Variants in FRMD4A observed in about 807,000 individuals in gnomAD.
FRMD4A encodes the protein FERM domain-containing protein 4A.
Under a neutral mutation model 129.1 loss-of-function variants are expected in FRMD4A, and 29 were observed. The ratio of observed to expected loss-of-function variants is 0.22; its 90% CI spans 0.17 to 0.31. The LOEUF (loss-of-function observed/expected upper bound fraction) is 0.31. Ranked by LOEUF, FRMD4A falls within the 10% of genes least tolerant of loss-of-function variation. FRMD4A has a pLI of 1.00. For synonymous variants in FRMD4A, 634 were observed against 571.6 expected (o/e 1.11, Z -1.56); for missense variants, 1,272 against 1,375.8 (o/e 0.92, Z 1.19).
At chr10:13,841,336 T>C (rs2093961900) in intron 3 of FRMD4A, among the ~76,000 whole-genome samples, 1 of 152,180 alleles carries the variant, frequency 6.6e-6, no homozygotes, top group Non-Finnish European at 1.5e-5. Context: ...TCCTGAGTAA[T>C]AGGATTATCT....
chr10:14,280,037 G>C (rs1845467419), intron 2 of FRMD4A, among the ~76,000 whole-genome samples: 1 of 152,198 alleles, frequency 6.6e-6, no homozygotes. Context: ...CATGTTACAG[G>C]ACGTGATGAC....
At chr10:13,905,283 C>T (rs1221506683) in intron 2 of FRMD4A, among the ~76,000 whole-genome samples, 4 of 152,162 alleles carry the variant, frequency 2.6e-5, no homozygotes, top group Non-Finnish European at 5.9e-5. Flanking sequence ...AGACATGCTT[C>T]CATCTCTCCC....
chr10:14,066,008 T>TTTTGTGTGTG (rs372195558), intron 2 of FRMD4A, among the ~76,000 whole-genome samples: 1 of 139,128 alleles, frequency 7.2e-6, no homozygotes, highest in African/African-American at 2.7e-5. Context: ...GGGTATGTAT[T>TTTTGTGTGTG]TGTGTGTGTG....
intron 2 of FRMD4A, among the ~76,000 whole-genome samples, chr10:14,122,539 C>T (rs1213220572): frequency 1.4e-5 from 2 of 143,204 alleles, no homozygotes. Flanking sequence ...AGGAAACTTA[C>T]AATCACGGCA....
At chr10:14,024,393 G>C (rs1431824110) in intron 2 of FRMD4A, among the ~76,000 whole-genome samples, 1 of 152,156 alleles carries the variant, frequency 6.6e-6, no homozygotes. Flanking sequence ...TCAGCTCAAA[G>C]TCTTCCAGCT....
intron 3 of FRMD4A, among the ~76,000 whole-genome samples, chr10:13,840,233 C>A (rs1233058811): frequency 3.9e-5 from 6 of 152,026 alleles, no homozygotes; most frequent in Admixed American, 1.3e-4. Context: ...GGGACTGAGT[C>A]CTTATAGGAC....
intron 3 of FRMD4A, among the ~76,000 whole-genome samples, chr10:13,842,592 A>C (rs1208485855): frequency 2.0e-5 from 3 of 152,370 alleles, no homozygotes; most frequent in Admixed American, 6.5e-5. Context: ...ATGAGACAGA[A>C]TTCAAACCGG....
chr10:13,932,555 C>T (rs1221130314), intron 2 of FRMD4A, among the ~76,000 whole-genome samples: 1 of 152,140 alleles, frequency 6.6e-6, no homozygotes, highest in African/African-American at 2.4e-5. Context: ...AATTGTGTTG[C>T]CTTCCTTAAT....
intron 14 of FRMD4A, among the ~76,000 whole-genome samples, chr10:13,695,961 T>A (rs756332377): frequency 6.6e-6 from 1 of 152,218 alleles, no homozygotes; most frequent in African/African-American, 2.4e-5. Flanking sequence ...GTTAACACGA[T>A]GGAAGTCTGC....
intron 13 of FRMD4A, among the ~76,000 whole-genome samples, chr10:13,704,105 C>T (rs1199177477): frequency 1.3e-5 from 2 of 152,208 alleles, no homozygotes; most frequent in African/African-American, 2.4e-5. Context: ...AACGCACTCA[C>T]ACGTGGCTCA....
At chr10:14,282,818 C>G (rs1236115490) in intron 2 of FRMD4A, among the ~76,000 whole-genome samples, 1 of 152,130 alleles carries the variant, frequency 6.6e-6, no homozygotes, top group African/African-American at 2.4e-5. Flanking sequence ...GTTCTTCAAG[C>G]AAAAATTTAT....
chr10:14,283,941 G>A (rs1376169283), intron 2 of FRMD4A, among the ~76,000 whole-genome samples: 1 of 152,194 alleles, frequency 6.6e-6, no homozygotes, highest in Admixed American at 6.5e-5. Context: ...CAATATTACT[G>A]TCAATTTGCT....
intron 8 of FRMD4A, among the ~76,000 whole-genome samples, chr10:13,749,582 G>C (rs1260885269): frequency 3.9e-5 from 6 of 152,094 alleles, no homozygotes; most frequent in Admixed American, 2.0e-4. Flanking sequence ...AGTGCCACTG[G>C]GCAAAACCAC....
rs538360987 is a variant in FRMD4A, at chr10:14,091,849, T to A, written c.46-232937A>T. On this transcript the variant is annotated intron_variant, in intron 2 of 24. Coordinates refer to ENST00000357447, the MANE Select transcript of FRMD4A (RefSeq NM_018027.5). Reference sequence around the variant, plus strand: ...TTAGTATATGATGTGATTTATTAAATGTATCTTTAAGTCTCCAACTGGAAT... The same window carrying A: ...TTAGTATATGATGTGATTTATTAAAAGTATCTTTAAGTCTCCAACTGGAAT... Among the ~76,000 whole-genome samples, 225 of 152,340 alleles carry A rather than the reference T, an allele frequency of 1.5e-3. 1 individual carries two copies. The highest frequency in any genetic ancestry group is 4.8e-3 in the African/African-American group (200 of 41,578).
chr10:14,299,059 G>A (rs1046418898), intron 2 of FRMD4A, among the ~76,000 whole-genome samples: 1 of 152,166 alleles, frequency 6.6e-6, no homozygotes, highest in Non-Finnish European at 1.5e-5. Context: ...GACATTCAGC[G>A]ATCAAACTGG....
intron 15 of FRMD4A, among the ~76,000 whole-genome samples, chr10:13,688,989 C>T (rs1487885065): frequency 2.5e-4 from 38 of 152,030 alleles, no homozygotes; most frequent in Non-Finnish European, 1.0e-4. Flanking sequence ...AGGCCTGAGC[C>T]ATTGCACCTG....
At chr10:13,735,997 T>C (rs2090606764) in intron 12 of FRMD4A, among the ~76,000 whole-genome samples, 1 of 151,772 alleles carries the variant, frequency 6.6e-6, no homozygotes, top group Admixed American at 6.6e-5. Context: ...CTACTAAAAA[T>C]ACAAAATCAG....
chr10:13,892,642 C>T (rs2094714320), intron 2 of FRMD4A, among the ~76,000 whole-genome samples: 1 of 152,112 alleles, frequency 6.6e-6, no homozygotes, highest in South Asian at 2.1e-4. Context: ...TGGCAAGAGC[C>T]TCCACTTAGC....
intron 2 of FRMD4A, among the ~76,000 whole-genome samples, chr10:14,323,007 A>C (rs1438364121): frequency 6.6e-6 from 1 of 152,204 alleles, no homozygotes; most frequent in African/African-American, 2.4e-5. Flanking sequence ...TCTCCCTTCA[A>C]AGGGTAAGAA....
Sources: allele counts gnomAD v4.1 joint callset (sites outside exome capture counted in the v4.1 genomes callset), GRCh38; gene constraint gnomAD v4.1.1; transcripts MANE v1.5; gene names NCBI Gene and HGNC (gene_info 2026-07-23, HGNC 2026-07-21).